Variants in PRKACB observed in about 807,000 individuals in gnomAD.
The protein encoded by PRKACB is protein kinase cAMP-activated catalytic subunit beta, also known as cAMP-dependent protein kinase catalytic subunit beta.
In PRKACB, 16 loss-of-function variants were observed where a neutral mutation model predicts 51.4. The observed-to-expected ratio is 0.31, with a 90% CI of 0.21 to 0.47. The LOEUF (loss-of-function observed/expected upper bound fraction) is 0.47, where lower values mean the gene tolerates loss of function less well. Among genes scored for constraint, PRKACB ranks in the 20% least tolerant of loss-of-function variants. PRKACB has a pLI of 1.00. For synonymous variants in PRKACB, 147 were observed against 154.4 expected (o/e 0.95, Z 0.35); for missense variants, 309 against 464.5 (o/e 0.67, Z 3.08).
intron 1 of PRKACB, among the ~76,000 whole-genome samples, chr1:84,160,434 GTTTTC>G (rs1435574121): frequency 6.7e-6 from 1 of 150,054 alleles, no homozygotes; most frequent in African/African-American, 2.4e-5. Context: ...AATATCTTCT[GTTTTC>G]TTTTTGTTCA....
chr1:84,235,170 T>A lies in PRKACB; in HGVS notation c.1072-10T>A. 1 of 1,585,562 alleles carries A rather than the reference T, an allele frequency of 6.3e-7. No individual in the cohort carries two copies. Among genetic ancestry groups the A allele is most frequent in the Non-Finnish European group, 8.5e-7 (1 of 1,170,776 alleles). On this transcript the variant is annotated splice_polypyrimidine_tract_variant and intron_variant, in intron 9 of 9. Coordinates refer to ENST00000370685, the MANE Select transcript of PRKACB (RefSeq NM_182948.4). Reference sequence around the variant, plus strand: ...CCTTTTTCTTATTTTTCTCTCCCTCTCAATTATAGGTTGAAGCTCCATTCA... The same window carrying A: ...CCTTTTTCTTATTTTTCTCTCCCTCACAATTATAGGTTGAAGCTCCATTCA...
At chr1:84,078,399 C>T in intron 1 of PRKACB, 6 of 1,607,070 alleles carry the variant, frequency 3.7e-6, no homozygotes, top group Non-Finnish European at 5.1e-6. Flanking sequence ...TCTGGGTATC[C>T]GCTGGGCGGG....
intron 1 of PRKACB, among the ~76,000 whole-genome samples, chr1:84,169,018 C>T (rs1039386645): frequency 9.9e-5 from 15 of 151,550 alleles, no homozygotes; most frequent in African/African-American, 3.6e-4. Context: ...AGAGTTTAGT[C>T]TAACAGCATC....
intron 9 of PRKACB, among the ~76,000 whole-genome samples, chr1:84,230,222 T>A (rs1175370583): frequency 3.3e-5 from 5 of 150,106 alleles, no homozygotes; most frequent in Non-Finnish European, 6.0e-5. Flanking sequence ...TTCTCAGGTT[T>A]GTCAAAGATC....
chr1:84,143,291 A>C (rs536900634), upstream of PRKACB, among the ~76,000 whole-genome samples: 13 of 152,234 alleles, frequency 8.5e-5, no homozygotes, highest in Non-Finnish European at 1.6e-4. Context: ...ATCTCTACTG[A>C]AAATACAAAA....
At chr1:84,218,727 A>G (rs1673227061) in intron 9 of PRKACB, among the ~76,000 whole-genome samples, 1 of 152,188 alleles carries the variant, frequency 6.6e-6, no homozygotes, top group African/African-American at 2.4e-5. Context: ...ACTATTTTCC[A>G]TAGTAGCTGT....
intron 1 of PRKACB, among the ~76,000 whole-genome samples, chr1:84,120,823 T>A (rs1651004538): frequency 6.6e-6 from 1 of 152,008 alleles, no homozygotes; most frequent in Non-Finnish European, 1.5e-5. Context: ...TTCAGTGAAA[T>A]AGGGTGGTGA....
chr1:84,219,236 T>C (rs974137241), intron 9 of PRKACB, among the ~76,000 whole-genome samples: 2 of 151,694 alleles, frequency 1.3e-5, no homozygotes, highest in Non-Finnish European at 2.9e-5. Context: ...GGTTTTTTTT[T>C]TTTTTGAGTT....
intron 5 of PRKACB, 120 bp from the exon 6 acceptor site, chr1:84,196,496 T>A (rs1558224574): frequency 3.0e-6 from 3 of 1,008,080 alleles, no homozygotes; most frequent in Non-Finnish European, 2.8e-6. Context: ...ACATACTTTT[T>A]AAAAAAATAC....
intron 2 of PRKACB, among the ~76,000 whole-genome samples, chr1:84,180,206 ATATG>A (rs1553173786): frequency 1.6e-5 from 2 of 127,148 alleles, no homozygotes; most frequent in Admixed American, 8.1e-5. Context: ...ATATATATAT[ATATG>A]TATGATGGAG....
intron 9 of PRKACB, among the ~76,000 whole-genome samples, chr1:84,223,624 C>T (rs1028028326): frequency 2.0e-5 from 3 of 152,106 alleles, no homozygotes; most frequent in African/African-American, 7.2e-5. Context: ...CCACCTTGGC[C>T]TCCCAAAGTG....
chr1:84,126,199 G>T (rs1450897865), intron 1 of PRKACB, among the ~76,000 whole-genome samples: 1 of 152,166 alleles, frequency 6.6e-6, no homozygotes, highest in African/African-American at 2.4e-5. Context: ...ATCAGTGGAG[G>T]GTCAGGGTGA....
intron 1 of PRKACB, among the ~76,000 whole-genome samples, chr1:84,136,169 A>T (rs887662276): frequency 6.6e-6 from 1 of 151,964 alleles, no homozygotes; most frequent in African/African-American, 2.4e-5. Context: ...CCTACAAACT[A>T]TCAAAACTTA....
chr1:84,173,231 T>C, intron 1 of PRKACB: 1 of 739,738 alleles, frequency 1.4e-6, no homozygotes, highest in South Asian at 2.5e-5. Context: ...ATTCTATTTC[T>C]ATGTGCAGTA....
Position 84,111,673 on chromosome 1 carries a change from A to T in PRKACB, c.46+33302A>T, listed in dbSNP as rs146656419. ...AATCTGTGCAACAAACCCCCGTGAC[A>T]CAAGTTTACCTATATTACAAACCTG... On this transcript the variant is annotated intron_variant, in intron 1 of 8. Coordinates refer to the PRKACB transcript ENST00000370688. 3.2e-3 allele frequency among the ~76,000 whole-genome samples: 494 copies of T among 152,168 alleles called. 2 individuals carry two copies. The highest frequency in any genetic ancestry group is 0.011 in the African/African-American group (474 of 41,524).
At chr1:84,222,591 C>A (rs548741218) in intron 9 of PRKACB, among the ~76,000 whole-genome samples, 1 of 152,156 alleles carries the variant, frequency 6.6e-6, no homozygotes, top group South Asian at 2.1e-4. Flanking sequence ...TGTGTCTGCC[C>A]TACCAGTGAC....
At chr1:84,163,112 A>G (rs1656445276) in intron 1 of PRKACB, among the ~76,000 whole-genome samples, 1 of 152,022 alleles carries the variant, frequency 6.6e-6, no homozygotes, top group South Asian at 2.1e-4. Flanking sequence ...TTAATGATTG[A>G]TCAGAGGTTG....
At chr1:84,129,269 A>C (rs1343540099) in intron 1 of PRKACB, among the ~76,000 whole-genome samples, 1 of 152,122 alleles carries the variant, frequency 6.6e-6, no homozygotes, top group Non-Finnish European at 1.5e-5. Flanking sequence ...TATTACTATT[A>C]TAATTTTAGG....
At chr1:84,198,825 G>A (rs567541245) in intron 7 of PRKACB, among the ~76,000 whole-genome samples, 8 of 148,900 alleles carry the variant, frequency 5.4e-5, no homozygotes, top group Admixed American at 4.0e-4. Context: ...ATTCATATAT[G>A]TATGTACATA....
Sources: gnomAD v4.1 joint callset for allele counts (sites outside exome capture counted in the v4.1 genomes callset) on GRCh38, gnomAD v4.1.1 for gene constraint, MANE v1.5 for transcripts, NCBI Gene and HGNC (gene_info 2026-07-23, HGNC 2026-07-21) for gene names.